The following LIN9 variants were observed in gnomAD, a reference collection of about 807,000 sequenced individuals.
LIN9 encodes protein lin-9 homolog.
A neutral mutation model predicts 78.0 loss-of-function variants in LIN9; 18 were observed. The observed-to-expected ratio is 0.23, with a 90% CI of 0.16 to 0.34. LIN9 has a LOEUF of 0.34. Ranked by LOEUF, LIN9 falls within the 10% of genes least tolerant of loss-of-function variation. The pLI is 1.00. For synonymous variants in LIN9, 192 were observed against 215.2 expected, an observed-to-expected ratio of 0.89 and a Z score of 0.94; for missense variants, 451 against 644.1, an observed-to-expected ratio of 0.70 and a Z score of 3.25.
At chr1:226,240,559 T>C (rs1046927381) in intron 11 of LIN9, among the ~76,000 whole-genome samples, 2 of 152,120 alleles carry the variant, frequency 1.3e-5, no homozygotes, top group Admixed American at 6.5e-5. Context: ...TGGCTAATTG[T>C]TGTACTTTTA....
Position 226,232,162 on chromosome 1 carries a change from A to G in LIN9, c.*339T>C, listed in dbSNP as rs941857491. The G allele has an allele frequency of 7.5e-6, 3 of 399,684 alleles. No individual in the cohort carries two copies. The highest frequency in any genetic ancestry group is 4.4e-6 in the Non-Finnish European group (1 of 226,540). 24.8% of individuals were successfully genotyped at this position (399,684 alleles called of 1,614,324 possible). A position where few individuals can be genotyped will look rare whatever the true frequency, so the allele number is the denominator to read the frequency against. On this transcript the variant is annotated 3_prime_UTR_variant, in exon 15 of 15. Transcript: ENST00000681046. ...ACTCTCCATTGCAGCAGTTGTCTGC[A>G]TGTGTTGCGGTGAATTCATGCACAT...
rs1250973000 is a variant in LIN9 at position 226,232,050 on chromosome 1, G to C, written c.*451C>G. 2.5e-6 allele frequency: 1 copy of C among 398,292 alleles called. No homozygotes were observed. Among genetic ancestry groups the C allele is most frequent in the African/African-American group, 2.1e-5 (1 of 48,562 alleles). The allele number at this position is 398,292 out of a possible 1,614,324, so 24.7% of individuals were successfully genotyped here. A position where few individuals can be genotyped will look rare whatever the true frequency, so the allele number is the denominator to read the frequency against. On this transcript the variant is annotated 3_prime_UTR_variant, in exon 15 of 15. Transcript: ENST00000681046. ...GTTATCTTTTGAAGACTGAGATGGTGATCAACTAAATCAAGTGGAGTTGTA... is the reference window on the plus strand; with the variant it reads ...GTTATCTTTTGAAGACTGAGATGGTCATCAACTAAATCAAGTGGAGTTGTA...
chr1:226,281,697 T>C (rs1479775124), intron 6 of LIN9, among the ~76,000 whole-genome samples: 1 of 151,622 alleles, frequency 6.6e-6, no homozygotes, highest in African/African-American at 2.4e-5. Context: ...TTTTTCTTTT[T>C]CTTTTTTTTT....
chr1:226,235,210 T>C (rs185767091), intron 12 of LIN9, among the ~76,000 whole-genome samples: 84 of 150,416 alleles, frequency 5.6e-4, no homozygotes, highest in Non-Finnish European at 9.6e-4. Flanking sequence ...TAATCATAGC[T>C]ACTGGGGAGG....
intron 1 of LIN9, among the ~76,000 whole-genome samples, chr1:226,307,741 T>C (rs1368536238): frequency 6.6e-6 from 1 of 152,232 alleles, no homozygotes; most frequent in Non-Finnish European, 1.5e-5. Flanking sequence ...CAGTGACTAC[T>C]AGCTACATGT....
intron 12 of LIN9, among the ~76,000 whole-genome samples, chr1:226,235,696 T>C (rs1460496863): frequency 6.6e-6 from 1 of 152,148 alleles, no homozygotes; most frequent in Non-Finnish European, 1.5e-5. Flanking sequence ...TCTGAATCAG[T>C]TTTTATCCCC....
At chr1:226,287,532 G>T in intron 5 of LIN9, 132 bp downstream of exon 5, 1 of 592,810 alleles carries the variant, frequency 1.7e-6, no homozygotes. Flanking sequence ...CAACTGGAAT[G>T]TGGAACAGAA....
In LIN9 at chr1:226,265,662, T is replaced by C. The variant is rs1295878874; in HGVS notation, c.937-28A>G. ...ATGGGAATAAAAAGGAATTATTTAA[T>C]CATTGACTATTCAGAGGAAGTATCT... On this transcript the variant is annotated intron_variant, in intron 9 of 14. Coordinates refer to ENST00000681046, the MANE Select transcript of LIN9 (RefSeq NM_001366245.2). This position sits in a 1 kb window ranked among gnomAD's most constrained non-coding sequence, Gnocchi z 4.1. The C allele has an allele frequency of 8.5e-7, 1 of 1,173,218 alleles. No homozygotes were observed. Among genetic ancestry groups the C allele is most frequent in the African/African-American group, 1.5e-5 (1 of 65,516 alleles). The allele number at this position is 1,173,218 out of a possible 1,614,324, so 72.7% of individuals were successfully genotyped here.
chr1:226,263,942 T>A (rs1659756433), intron 10 of LIN9, among the ~76,000 whole-genome samples: 1 of 152,028 alleles, frequency 6.6e-6, no homozygotes, highest in East Asian at 1.9e-4. Context: ...CTGGGAGTGG[T>A]GGTACATGCC....
At chr1:226,281,050 A>T (rs1661017876) in intron 6 of LIN9, among the ~76,000 whole-genome samples, 1 of 152,226 alleles carries the variant, frequency 6.6e-6, no homozygotes, top group African/African-American at 2.4e-5. Flanking sequence ...GAATTTTAAA[A>T]TATGGTATAT....
At chr1:226,256,387 C>A (rs1347711602) in intron 10 of LIN9, among the ~76,000 whole-genome samples, 1 of 151,748 alleles carries the variant, frequency 6.6e-6, no homozygotes, top group Non-Finnish European at 1.5e-5. Context: ...ACCTCTGCAC[C>A]CTATGAAATT....
chr1:226,281,730 G>A (rs1315923220), intron 6 of LIN9, among the ~76,000 whole-genome samples: 1 of 138,168 alleles, frequency 7.2e-6, no homozygotes, highest in Non-Finnish European at 1.5e-5. Context: ...GTCTCGCTCT[G>A]TTGCCCAGGC....
intron 1 of LIN9, among the ~76,000 whole-genome samples, chr1:226,302,708 T>C (rs1419652502): frequency 6.6e-6 from 1 of 152,092 alleles, no homozygotes; most frequent in African/African-American, 2.4e-5. Flanking sequence ...AAAAAGAACA[T>C]GAACTAGGAA....
chr1:226,236,190 A>G (rs1657692430), intron 12 of LIN9, among the ~76,000 whole-genome samples: 2 of 151,930 alleles, frequency 1.3e-5, no homozygotes, highest in African/African-American at 4.8e-5. Flanking sequence ...TTTAAATTGA[A>G]GCATACATAA....
intron 4 of LIN9, among the ~76,000 whole-genome samples, chr1:226,289,849 GGGGGGGT>G (rs1347630381): frequency 1.4e-5 from 1 of 73,610 alleles, no homozygotes; most frequent in Non-Finnish European, 2.8e-5. Flanking sequence ...GGGGGGGTGG[GGGGGGGT>G]GGGAAAGCTA....
chr1:226,269,354 C>T (rs1660120824), intron 7 of LIN9, among the ~76,000 whole-genome samples: 1 of 152,110 alleles, frequency 6.6e-6, no homozygotes, highest in African/African-American at 2.4e-5. Flanking sequence ...AAAAGGACTA[C>T]TAGTTATGGT....
At chr1:226,298,063 TTTTC>T (rs1157765885) in intron 2 of LIN9, among the ~76,000 whole-genome samples, 2 of 152,230 alleles carry the variant, frequency 1.3e-5, no homozygotes, top group African/African-American at 2.4e-5. Flanking sequence ...ATGTGCTTCT[TTTTC>T]TTTGTTTTTG....
chr1:226,248,491 C>T (rs557972985), intron 11 of LIN9, among the ~76,000 whole-genome samples: 1 of 152,268 alleles, frequency 6.6e-6, no homozygotes, highest in Admixed American at 6.5e-5. Context: ...TTTAAATTAA[C>T]TTTCATTAAA....
rs10679567 is a variant in LIN9, at chr1:226,267,422, C to CAAA, written c.816+532_816+534dup. On this transcript the variant is annotated intron_variant, in intron 8 of 14. Transcript: ENST00000681046. The stretch of plus-strand genomic sequence containing the variant: ...TGGGCGACAGAGCAAGACTCCGTCT[C>CAAA]AAAAAAAAAAAAAAAAAAAGATCTC... 5.8e-3 allele frequency among the ~76,000 whole-genome samples: 525 copies of CAAA among 91,126 alleles called. 11 individuals are homozygous for CAAA. The highest frequency in any genetic ancestry group is 0.011 in the Middle Eastern group (2 of 190). The allele number at this position is 91,126 out of a possible 152,430, so 59.8% of individuals were successfully genotyped here.
Sources: gnomAD v4.1 joint callset for allele counts (sites outside exome capture counted in the v4.1 genomes callset) on GRCh38, gnomAD v4.1.1 for gene constraint, Gnocchi (gnomAD v3.1) non-coding constraint, MANE v1.5 for transcripts, NCBI Gene and HGNC (gene_info 2026-07-23, HGNC 2026-07-21) for gene names.